TNFSF8: variants seen among roughly 807,000 people sequenced by gnomAD.
TNFSF8 encodes the protein tumor necrosis factor ligand superfamily member 8.
TNFSF8 carries 4 observed loss-of-function variants against 22.0 expected under a neutral mutation model. That is an observed-to-expected ratio of 0.18 (90% CI 0.09 to 0.42). The LOEUF (loss-of-function observed/expected upper bound fraction) is 0.42. Ranked by LOEUF, TNFSF8 falls within the 10% of genes least tolerant of loss-of-function variation. The pLI is 1.00. For synonymous variants in TNFSF8, 106 were observed against 112.5 expected (o/e 0.94, Z 0.37); for missense variants, 233 against 281.8 (o/e 0.83, Z 1.24).
chr9:114,910,971 C>T (rs939358315), intron 2 of TNFSF8, among the ~76,000 whole-genome samples: 5 of 152,188 alleles, frequency 3.3e-5, no homozygotes, highest in Admixed American at 3.3e-4. Flanking sequence ...AAACAATCAA[C>T]CTAAATGTAT....
At position 114,905,840 on chromosome 9, in the gene TNFSF8, C is replaced by T. The variant is rs201107686; in HGVS notation, c.298G>A (p.Ala100Thr). The change falls in exon 3 of 4, where the codon GCC (alanine) becomes ACC (threonine). Residue 100 changes from alanine (A) to threonine (T), a missense_variant. By Grantham distance (58) the Ala-to-Thr change is moderately conservative. Transcript: ENST00000223795. ...LKRAPFKKSW[A>T]YLQVAKHLNK... ...CTTGGTTACTGACCTTGGAGGTAGG[C>T]CCATGACTTCTTGAATGGAGCCCTT... 1.2e-6 allele frequency: 2 copies of T among 1,612,098 alleles called. No homozygotes were observed. Among genetic ancestry groups the T allele is most frequent in the Admixed American group, 1.7e-5 (1 of 59,984 alleles).
chr9:114,930,207 TC>T lies in TNFSF8; in HGVS notation c.96del (p.Thr33ProfsTer9), dbSNP rs1410971126. On this transcript the variant is annotated frameshift_variant, in exon 1 of 4. Transcript: ENST00000223795. LOFTEE classifies it high-confidence loss of function. The part of the protein sequence containing the change: ...VPAGSVASHL[G>X]TTSRSYFYLT... Reference sequence around the variant, plus strand: ...AAATAGAAATAGCTGCGGCTCGTGGTCCCCAGGTGGCTGGCCACGGAGCCCG... The same window carrying T: ...AAATAGAAATAGCTGCGGCTCGTGGTCCCAGGTGGCTGGCCACGGAGCCCG... The T allele has an allele frequency of 6.2e-7, 1 of 1,605,114 alleles. No homozygotes were observed.
At chr9:114,897,315 G>C (rs948463281), downstream of TNFSF8, among the ~76,000 whole-genome samples, 1 of 150,682 alleles carries the variant, frequency 6.6e-6, no homozygotes, top group African/African-American at 2.5e-5. Flanking sequence ...TCCTTAAAAC[G>C]GACTTATGTT....
intron 2 of TNFSF8, among the ~76,000 whole-genome samples, chr9:114,916,407 T>C (rs1237559448): frequency 6.6e-6 from 1 of 152,184 alleles, no homozygotes; most frequent in African/African-American, 2.4e-5. Context: ...GAAACTGAGA[T>C]CCAGAATGGC....
At chr9:114,917,833 G>A (rs988458661) in intron 2 of TNFSF8, among the ~76,000 whole-genome samples, 1 of 152,172 alleles carries the variant, frequency 6.6e-6, no homozygotes, top group Non-Finnish European at 1.5e-5. Context: ...ACACTGCCTT[G>A]CAGTCCTGCC....
intron 4 of TNFSF8, among the ~76,000 whole-genome samples, chr9:114,894,755 T>A (rs1455731008): frequency 6.6e-6 from 1 of 152,200 alleles, no homozygotes; most frequent in Non-Finnish European, 1.5e-5. Context: ...TTACGTAACA[T>A]AAAGCGGTTT....
intron 1 of TNFSF8, among the ~76,000 whole-genome samples, chr9:114,929,362 T>C (rs1055562487): frequency 1.3e-5 from 2 of 151,768 alleles, no homozygotes; most frequent in African/African-American, 4.8e-5. Context: ...TGTTTCTTTT[T>C]TTTTTTTTTT....
intron 1 of TNFSF8, among the ~76,000 whole-genome samples, chr9:114,926,939 T>C (rs1828068493): frequency 6.8e-6 from 1 of 147,278 alleles, no homozygotes; most frequent in Non-Finnish European, 1.5e-5. Flanking sequence ...TATATCAATA[T>C]ATTATAAAAT....
At chr9:114,926,270 A>T (rs1828056381) in intron 1 of TNFSF8, among the ~76,000 whole-genome samples, 1 of 152,150 alleles carries the variant, frequency 6.6e-6, no homozygotes, top group Non-Finnish European at 1.5e-5. Context: ...TCTACTAAAA[A>T]TACAAAAAAA....
intron 1 of TNFSF8, among the ~76,000 whole-genome samples, chr9:114,929,106 C>G (rs1480874351): frequency 6.6e-6 from 1 of 152,178 alleles, no homozygotes. Flanking sequence ...TATGCTATTA[C>G]TACAGCATTT....
chr9:114,928,739 A>G (rs970071484), intron 1 of TNFSF8, among the ~76,000 whole-genome samples: 1 of 152,216 alleles, frequency 6.6e-6, no homozygotes, highest in Non-Finnish European at 1.5e-5. Context: ...ATAAGCCATT[A>G]AATTATGAGT....
chr9:114,913,545 G>A (rs1587935532), intron 2 of TNFSF8, among the ~76,000 whole-genome samples: 1 of 152,174 alleles, frequency 6.6e-6, no homozygotes, highest in South Asian at 2.1e-4. Context: ...AGAAGTGATA[G>A]AGCTGATAGA....
At chr9:114,920,959 G>A (rs1399759769) in intron 1 of TNFSF8, among the ~76,000 whole-genome samples, 2 of 152,112 alleles carry the variant, frequency 1.3e-5, no homozygotes, top group Non-Finnish European at 2.9e-5. Flanking sequence ...GTGAGCCACC[G>A]CACCTGGCCA....
At chr9:114,896,226 C>T (rs1438116508), downstream of TNFSF8, among the ~76,000 whole-genome samples, 1 of 152,152 alleles carries the variant, frequency 6.6e-6, no homozygotes, top group African/African-American at 2.4e-5. Flanking sequence ...GATTCTGTTC[C>T]AGTTTTTAGG....
chr9:114,907,429 T>C (rs1381091177), intron 2 of TNFSF8, among the ~76,000 whole-genome samples: 3 of 152,202 alleles, frequency 2.0e-5, no homozygotes, highest in African/African-American at 7.2e-5. Context: ...ATGCTCCTAA[T>C]GGACTGTGAC....
chr9:114,924,192 T>C (rs1171302550), intron 1 of TNFSF8, among the ~76,000 whole-genome samples: 1 of 152,214 alleles, frequency 6.6e-6, no homozygotes, highest in Non-Finnish European at 1.5e-5. Context: ...CTTGTTAAAA[T>C]GCAGATTCGG....
chr9:114,901,709 T>C lies in TNFSF8; in HGVS notation c.*2222A>G. On this transcript the variant is annotated 3_prime_UTR_variant, in exon 4 of 4. Transcript: ENST00000223795. ...TTTTACCACAGACCATTTGGCTTGCTGAATTCAACACCTCTTCCAATGCCT... is the reference window on the plus strand; with the variant it reads ...TTTTACCACAGACCATTTGGCTTGCCGAATTCAACACCTCTTCCAATGCCT... 1.0e-6 allele frequency: 1 copy of C among 985,434 alleles called. No homozygotes were observed. Among genetic ancestry groups the C allele is most frequent in the Non-Finnish European group, 1.2e-6 (1 of 829,930 alleles). The allele number at this position is 985,434 out of a possible 1,614,324, so 61.0% of individuals were successfully genotyped here.
In TNFSF8 at chr9:114,901,545, C is replaced by G. The variant is rs1349867428; in HGVS notation, c.*2386G>C. On this transcript the variant is annotated 3_prime_UTR_variant, in exon 4 of 4. Coordinates refer to ENST00000223795, the MANE Select transcript of TNFSF8 (RefSeq NM_001244.4). ...GCAAAAAAATTGCTTAGTTAACACA[C>G]AGTTGGGTTGCATATACCTTTTCAA... 1 of 985,154 alleles carries G rather than the reference C, an allele frequency of 1.0e-6. No homozygotes were observed. Among genetic ancestry groups the G allele is most frequent in the Non-Finnish European group, 1.2e-6 (1 of 829,782 alleles). 61.0% of individuals were successfully genotyped at this position (985,154 alleles called of 1,614,324 possible).
chr9:114,916,870 AC>A (rs1041457672), intron 2 of TNFSF8, among the ~76,000 whole-genome samples: 7 of 152,164 alleles, frequency 4.6e-5, no homozygotes, highest in African/African-American at 1.7e-4. Context: ...AAGTTTGCTT[AC>A]CCCTGCATTC....
Sources: gnomAD v4.1 joint callset for allele counts (sites outside exome capture counted in the v4.1 genomes callset) on GRCh38, gnomAD v4.1.1 for gene constraint, MANE v1.5 for transcripts, NCBI Gene and HGNC (gene_info 2026-07-23, HGNC 2026-07-21) for gene names.